TRPM3: variants seen among roughly 807,000 people sequenced by gnomAD.
TRPM3 encodes the protein long transient receptor potential channel 3.
Under a neutral mutation model 181.2 loss-of-function variants are expected in TRPM3, and 77 were observed. The ratio of observed to expected loss-of-function variants is 0.42; its 90% CI spans 0.35 to 0.51. The LOEUF (loss-of-function observed/expected upper bound fraction) is 0.51, where lower values mean the gene tolerates loss of function less well. Ranked by LOEUF, TRPM3 falls within the 20% of genes least tolerant of loss-of-function variation. The probability of loss-of-function intolerance (pLI) is 0.01; values close to 1 mark genes in which losing one functional copy is unlikely to be tolerated. For synonymous variants in TRPM3, 745 were observed against 796.4 expected, an observed-to-expected ratio of 0.94 and a Z score of 1.09; for missense variants, 1,759 against 2,196.7, an observed-to-expected ratio of 0.80 and a Z score of 3.98.
intron 6 of TRPM3, among the ~76,000 whole-genome samples, chr9:70,823,993 G>T (rs1479009738): frequency 6.6e-6 from 1 of 152,220 alleles, no homozygotes; most frequent in Non-Finnish European, 1.5e-5. Flanking sequence ...GAAAGTCAGA[G>T]TGTGGAGAAA....
intron 9 of TRPM3, among the ~76,000 whole-genome samples, chr9:70,657,977 T>A (rs568888557): frequency 6.6e-6 from 1 of 152,310 alleles, no homozygotes; most frequent in African/African-American, 2.4e-5. Flanking sequence ...AAAGGCACAC[T>A]GATGCAAGAC....
intron 9 of TRPM3, among the ~76,000 whole-genome samples, chr9:70,665,202 G>GT (rs11287473): frequency 6.6e-6 from 1 of 151,652 alleles, no homozygotes; most frequent in Middle Eastern, 3.4e-3. Flanking sequence ...AGCATTGTTT[G>GT]TTTTTTTCCT....
At chr9:71,196,871 A>ATTTTC (rs2131699339) in intron 1 of TRPM3, among the ~76,000 whole-genome samples, 1 of 151,566 alleles carries the variant, frequency 6.6e-6, no homozygotes, top group African/African-American at 2.4e-5. Flanking sequence ...CTTTCTTTTT[A>ATTTTC]TTTTATTATT....
At chr9:71,252,750 C>T (rs1398390581) in intron 1 of TRPM3, among the ~76,000 whole-genome samples, 1 of 151,142 alleles carries the variant, frequency 6.6e-6, no homozygotes, top group Non-Finnish European at 1.5e-5. Flanking sequence ...TGGCACATTG[C>T]GGCCTCGGCC....
chr9:70,903,691 G>A (rs887391521), intron 1 of TRPM3, among the ~76,000 whole-genome samples: 1 of 152,038 alleles, frequency 6.6e-6, no homozygotes, highest in Non-Finnish European at 1.5e-5. Flanking sequence ...ATTATCTATA[G>A]ATTATTCAAT....
chr9:70,689,521 T>A (rs1271961439), intron 8 of TRPM3, among the ~76,000 whole-genome samples: 10 of 147,610 alleles, frequency 6.8e-5, no homozygotes, highest in Non-Finnish European at 7.5e-5. Context: ...TAAATTACTT[T>A]AAAAAAAAAA....
chr9:71,095,752 C>G (rs1426120234), intron 1 of TRPM3, among the ~76,000 whole-genome samples: 4 of 102,860 alleles, frequency 3.9e-5, no homozygotes, highest in African/African-American at 1.6e-4. Flanking sequence ...GAATGAGACT[C>G]TGTGTCAAAA....
At chr9:70,770,674 A>C (rs1003376652) in intron 7 of TRPM3, among the ~76,000 whole-genome samples, 1 of 152,218 alleles carries the variant, frequency 6.6e-6, no homozygotes, top group African/African-American at 2.4e-5. Flanking sequence ...CTTTAAGCCA[A>C]TATCTCCTCA....
chr9:70,960,966 A>C (rs924537636), intron 1 of TRPM3, among the ~76,000 whole-genome samples: 3 of 152,208 alleles, frequency 2.0e-5, no homozygotes, highest in African/African-American at 7.2e-5. Context: ...GAGTAGACAG[A>C]ATAATGCCTG....
chr9:71,372,693 A>G (rs1176084890), intron 1 of TRPM3, among the ~76,000 whole-genome samples: 1 of 152,124 alleles, frequency 6.6e-6, no homozygotes, highest in Non-Finnish European at 1.5e-5. Flanking sequence ...TCACTTTTTA[A>G]TGAGGATCAT....
chr9:70,939,644 A>T (rs1293317492), intron 1 of TRPM3, among the ~76,000 whole-genome samples: 2 of 152,244 alleles, frequency 1.3e-5, no homozygotes, highest in African/African-American at 2.4e-5. Context: ...TCCAATTAAA[A>T]TTTTTATTGA....
chr9:70,809,926 T>A (rs369729370), intron 6 of TRPM3: 4 of 531,786 alleles, frequency 7.5e-6, no homozygotes, highest in Non-Finnish European at 1.6e-5. Context: ...AAATTTCATG[T>A]CATGGTTATC....
At chr9:71,270,757 G>C (rs1385540115) in intron 1 of TRPM3, among the ~76,000 whole-genome samples, 1 of 152,176 alleles carries the variant, frequency 6.6e-6, no homozygotes, top group East Asian at 1.9e-4. Context: ...TGGTGAGATG[G>C]TGGCATGTGA....
intron 1 of TRPM3, among the ~76,000 whole-genome samples, chr9:71,046,951 A>G (rs922328214): frequency 6.6e-6 from 1 of 152,210 alleles, no homozygotes; most frequent in African/African-American, 2.4e-5. Flanking sequence ...CAAATACCAT[A>G]TACCTGTTCC....
At chr9:70,653,697 A>C (rs71505906) in intron 9 of TRPM3, among the ~76,000 whole-genome samples, 52,191 of 146,548 alleles carry the variant, frequency 0.36, 10,248 homozygotes, top group African/African-American at 0.51. Context: ...AAAAAAAAAA[A>C]AAACAAACCA....
intron 9 of TRPM3, among the ~76,000 whole-genome samples, chr9:70,677,549 A>G (rs2064310265): frequency 1.3e-5 from 2 of 152,234 alleles, no homozygotes; most frequent in African/African-American, 4.8e-5. Flanking sequence ...AGAGAGGCCA[A>G]GAAGCATCTG....
intron 1 of TRPM3, among the ~76,000 whole-genome samples, chr9:70,956,522 A>T (rs1393433028): frequency 2.0e-5 from 3 of 152,152 alleles, no homozygotes; most frequent in African/African-American, 7.2e-5. Context: ...ATCTGTGGAT[A>T]TATGTGCATA....
At chr9:70,590,010 C>A (rs2057851991) in intron 22 of TRPM3, among the ~76,000 whole-genome samples, 1 of 152,158 alleles carries the variant, frequency 6.6e-6, no homozygotes, top group African/African-American at 2.4e-5. Flanking sequence ...TTATGCAACC[C>A]TAATCCATGT....
intron 12 of TRPM3, 61 bp downstream of exon 12, chr9:70,635,150 T>C: frequency 6.7e-7 from 1 of 1,485,048 alleles, no homozygotes; most frequent in Middle Eastern, 1.7e-4. Context: ...ACAGAGGCAC[T>C]CTCTAATCAC....
Sources: allele counts gnomAD v4.1 joint callset (sites outside exome capture counted in the v4.1 genomes callset), GRCh38; gene constraint gnomAD v4.1.1; transcripts MANE v1.5; gene names NCBI Gene and HGNC (gene_info 2026-07-23, HGNC 2026-07-21).